Variants in ICA1 observed in about 807,000 individuals in gnomAD.
ICA1 encodes 69 kDa islet cell autoantigen.
In ICA1, 40 loss-of-function variants were observed where a neutral mutation model predicts 71.0. The ratio of observed to expected loss-of-function variants is 0.56; its 90% CI spans 0.44 to 0.73. The LOEUF (loss-of-function observed/expected upper bound fraction) is 0.73, where lower values mean the gene tolerates loss of function less well. Ranked by LOEUF, ICA1 falls within the 30% of genes least tolerant of loss-of-function variation. The pLI, the probability that ICA1 is intolerant of heterozygous loss-of-function variation, is 0.00. For missense variants in ICA1, 578 were observed against 576.5 expected, an observed-to-expected ratio of 1.00 and a Z score of -0.03; for synonymous variants, 207 against 209.5, an observed-to-expected ratio of 0.99 and a Z score of 0.10.
Position 8,128,202 on chromosome 7 carries a change from A to G in ICA1, c.1061-60T>C, listed in dbSNP as rs942302389. On this transcript the variant is annotated intron_variant, in intron 12 of 13. Transcript: ENST00000402384. ...GGAGGGCTCAAGCCCTCAGGAATCA[A>G]TGCTGTGGGGGCTGCGAAGGGGGAG... is the stretch of plus-strand genomic sequence containing the variant. The G allele has an allele frequency of 3.2e-6, 5 of 1,555,080 alleles. No individual in the cohort carries two copies. The African/African-American group carries it at 4.1e-5, about 13-fold the overall frequency.
intron 6 of ICA1, among the ~76,000 whole-genome samples, chr7:8,187,416 A>AG (rs1784242385): frequency 6.6e-6 from 1 of 152,194 alleles, no homozygotes. Flanking sequence ...AAACCTGTGT[A>AG]GGGCACTTCC....
chr7:8,143,961 G>T lies in ICA1; in HGVS notation c.816C>A (p.Asp272Glu), dbSNP rs774638494. ...CTTTCTCAACTAATTTTTTCATAGGGTCTTGTAAGCTCTTGATCACGAGCC... is the reference window on the plus strand; with the variant it reads ...CTTTCTCAACTAATTTTTTCATAGGTTCTTGTAAGCTCTTGATCACGAGCC... ...YEFTTLKSLQ[D>E]PMKKLVEKEE... Residue 272 changes from aspartate to glutamate, a missense_variant, in exon 9 of 14, where the codon GAC (aspartate) becomes GAA (glutamate). Transcript: ENST00000402384. 6.3e-7 allele frequency: 1 copy of T among 1,584,076 alleles called. No homozygotes were observed. The highest frequency in any genetic ancestry group is 1.1e-5 in the South Asian group (1 of 90,374).
At chr7:8,230,199 T>G (rs1799831468) in intron 3 of ICA1, among the ~76,000 whole-genome samples, 1 of 152,246 alleles carries the variant, frequency 6.6e-6, no homozygotes, top group African/African-American at 2.4e-5. Context: ...ACTGAAGAGC[T>G]GTTTTTCAGA....
At chr7:8,147,499 G>A (rs1055295642) in intron 8 of ICA1, among the ~76,000 whole-genome samples, 78 of 152,160 alleles carry the variant, frequency 5.1e-4, no homozygotes, top group African/African-American at 1.8e-3. Flanking sequence ...CTCAAGACAG[G>A]TGCTAAATAT....
chr7:8,217,192 G>A (rs922181531), intron 6 of ICA1, among the ~76,000 whole-genome samples: 3 of 152,214 alleles, frequency 2.0e-5, no homozygotes, highest in Admixed American at 2.0e-4. Context: ...TTTTGAAGAA[G>A]TCAGATGTTG....
At chr7:8,162,121 A>G (rs1206818466) in intron 6 of ICA1, among the ~76,000 whole-genome samples, 1 of 152,250 alleles carries the variant, frequency 6.6e-6, no homozygotes, top group East Asian at 1.9e-4. Context: ...TTACGTTAAC[A>G]TAATCAGTTA....
At chr7:8,256,009 A>G (rs1314986684) in intron 1 of ICA1, among the ~76,000 whole-genome samples, 1 of 151,564 alleles carries the variant, frequency 6.6e-6, no homozygotes, top group Non-Finnish European at 1.5e-5. Flanking sequence ...ACTTGAGTTC[A>G]AGCAATCCTC....
intron 6 of ICA1, among the ~76,000 whole-genome samples, chr7:8,180,386 C>T (rs12668294): frequency 0.48 from 73,620 of 152,038 alleles, 21,903 homozygotes; most frequent in South Asian, 0.7. Context: ...GTATGGTATC[C>T]TATTGAATGA....
chr7:8,159,455 T>C (rs1463595969), intron 6 of ICA1, among the ~76,000 whole-genome samples: 1 of 152,254 alleles, frequency 6.6e-6, no homozygotes, highest in Non-Finnish European at 1.5e-5. Context: ...CTTAAACCTG[T>C]AATTTCAACA....
chr7:8,227,623 T>TC (rs750528578), intron 4 of ICA1: 239 of 381,168 alleles, frequency 6.3e-4, no homozygotes, highest in South Asian at 1.3e-3. Context: ...TTTTTTTTTT[T>TC]CTAAGAGATC....
At chr7:8,217,113 G>A (rs1795652951) in intron 6 of ICA1, among the ~76,000 whole-genome samples, 2 of 152,182 alleles carry the variant, frequency 1.3e-5, no homozygotes, top group Non-Finnish European at 2.9e-5. Context: ...TCTATAAGAT[G>A]AGCGAGTTTC....
Position 8,173,442 on chromosome 7 carries a change from C to A in ICA1, c.580-14790G>T, listed in dbSNP as rs73674895. On this transcript the variant is annotated intron_variant, in intron 6 of 13. Coordinates refer to ENST00000402384, the MANE Select transcript of ICA1 (RefSeq NM_001136020.3). This position sits in a 1 kb window ranked among gnomAD's most constrained non-coding sequence, Gnocchi z 4.0. Reference sequence around the variant, plus strand: ...CTTAAAAACAAGCAAATGAACAAATCAACAGAAAAACAAACAAACAAAACC... The same window carrying A: ...CTTAAAAACAAGCAAATGAACAAATAAACAGAAAAACAAACAAACAAAACC... Among the ~76,000 whole-genome samples the A allele has an allele frequency of 0.063, 9,640 of 152,198 alleles. 992 individuals carry two copies. The highest frequency in any genetic ancestry group is 0.22 in the African/African-American group (9,077 of 41,486).
At chr7:8,131,322 A>T (rs1791364932) in intron 12 of ICA1, among the ~76,000 whole-genome samples, 1 of 152,236 alleles carries the variant, frequency 6.6e-6, no homozygotes, top group Non-Finnish European at 1.5e-5. Flanking sequence ...GCTTTTAAAA[A>T]TTTAAACCTA....
chr7:8,119,823 G>A (rs1450009951), intron 13 of ICA1, among the ~76,000 whole-genome samples: 3 of 152,258 alleles, frequency 2.0e-5, no homozygotes, highest in African/African-American at 7.2e-5. Context: ...TCCAGCCTGA[G>A]TGACAGAGTA....
chr7:8,180,167 C>G (rs973913141), intron 6 of ICA1, among the ~76,000 whole-genome samples: 3 of 152,016 alleles, frequency 2.0e-5, no homozygotes, highest in Non-Finnish European at 4.4e-5. Flanking sequence ...AGAAGACTCC[C>G]TTGTATTCTA....
At chr7:8,165,837 T>G (rs1054114976) in intron 6 of ICA1, among the ~76,000 whole-genome samples, 2 of 152,104 alleles carry the variant, frequency 1.3e-5, no homozygotes, top group African/African-American at 4.8e-5. Flanking sequence ...ATTTCTACAG[T>G]GAGAATTACA....
chr7:8,219,422 C>A (rs1796364800), intron 5 of ICA1, among the ~76,000 whole-genome samples: 1 of 152,240 alleles, frequency 6.6e-6, no homozygotes, highest in Non-Finnish European at 1.5e-5. Context: ...CTGAAGTCAG[C>A]TTTTGGAAAT....
At chr7:8,128,666 A>G (rs565632646) in intron 12 of ICA1, among the ~76,000 whole-genome samples, 197 of 152,326 alleles carry the variant, frequency 1.3e-3, no homozygotes, top group African/African-American at 4.6e-3. Flanking sequence ...ACAATGCCCA[A>G]GAGAGGCATC....
intron 6 of ICA1, among the ~76,000 whole-genome samples, chr7:8,176,046 G>A (rs550149671): frequency 2.2e-4 from 34 of 152,310 alleles, no homozygotes; most frequent in African/African-American, 7.7e-4. Flanking sequence ...TCATTTTACA[G>A]AGGAGAAAGC....
Sources: allele counts gnomAD v4.1 joint callset (sites outside exome capture counted in the v4.1 genomes callset), GRCh38; gene constraint gnomAD v4.1.1; non-coding constraint Gnocchi (gnomAD v3.1); transcripts MANE v1.5; gene names NCBI Gene and HGNC (gene_info 2026-07-23, HGNC 2026-07-21).